PLEKHG3: variants seen among roughly 807,000 people sequenced by gnomAD.
PLEKHG3 encodes pleckstrin homology domain-containing family G member 3.
Under a neutral mutation model 94.9 loss-of-function variants are expected in PLEKHG3, and 62 were observed. The ratio of observed to expected loss-of-function variants is 0.65; its 90% CI spans 0.53 to 0.81. The LOEUF (loss-of-function observed/expected upper bound fraction) is 0.81. Ranked by LOEUF, PLEKHG3 falls within the 30% of genes least tolerant of loss-of-function variation. The probability of loss-of-function intolerance (pLI) is 0.00; values close to 1 mark genes in which losing one functional copy is unlikely to be tolerated. For synonymous variants in PLEKHG3, 614 were observed against 654.0 expected (o/e 0.94, Z 0.93); for missense variants, 1,461 against 1,619.3 (o/e 0.90, Z 1.68).
intron 3 of PLEKHG3, 101 bp downstream of exon 3, chr14:64,729,194 A>T (rs2081410392): frequency 1.7e-6 from 1 of 588,336 alleles, no homozygotes; most frequent in African/African-American, 1.9e-5. Context: ...GGCCTGTGAC[A>T]TGTGGGCCTG....
Position 64,732,237 on chromosome 14 carries a change from C to T in PLEKHG3, c.1212+56C>T, listed in dbSNP as rs374212850. The T allele has an allele frequency of 1.7e-5, 26 of 1,493,000 alleles. No individual in the cohort carries two copies. The African/African-American group carries it at 3.0e-4, about 17-fold the overall frequency. 92.5% of individuals were successfully genotyped at this position (1,493,000 alleles called of 1,614,324 possible). A position where few individuals can be genotyped will look rare whatever the true frequency, so the allele number is the denominator to read the frequency against. On this transcript the variant is annotated intron_variant, in intron 10 of 16. Transcript: ENST00000247226. This position sits in a 1 kb window ranked among gnomAD's most constrained non-coding sequence, Gnocchi z 4.9. ...AGGAGAATGTGCTCCTCTGAGCCAG[C>T]TCTGCAAGGTCCATTGGGGGCTCAC...
rs929341729 is a variant in PLEKHG3 at position 64,720,432 on chromosome 14, T to C, written c.-39-7161T>C. Among the ~76,000 whole-genome samples the C allele has an allele frequency of 2.0e-4, 30 of 152,378 alleles. No individual in the cohort carries two copies. The highest frequency in any genetic ancestry group is 6.7e-4 in the African/African-American group (28 of 41,588). ...TTTGGTCTTGACCTCACCCACTGTT[T>C]ACCTTTCTCTTGACTGTGTGAGTGG... On this transcript the variant is annotated intron_variant, in intron 1 of 16. Transcript: ENST00000247226. The surrounding 1 kb of genome is among the most constrained non-coding windows in gnomAD (Gnocchi z 4.1).
chr14:64,749,374 C>G lies in PLEKHG3; in HGVS notation c.*5671C>G. 6.2e-7 allele frequency: 1 copy of G among 1,610,350 alleles called. No individual in the cohort carries two copies. The highest frequency in any genetic ancestry group is 2.2e-5 in the East Asian group (1 of 44,872). On this transcript the variant is annotated 3_prime_UTR_variant, in exon 17 of 17. Transcript: ENST00000247226. This position sits in a 1 kb window ranked among gnomAD's most constrained non-coding sequence, Gnocchi z 4.7. ...TTCTTGCCGAGGCTGGCGTCGGGGCCGGAGAGGGAAGGCAGGGGCAGGCTC... is the reference window on the plus strand; with the variant it reads ...TTCTTGCCGAGGCTGGCGTCGGGGCGGGAGAGGGAAGGCAGGGGCAGGCTC...
In PLEKHG3 at chr14:64,732,349, C is replaced by T; in HGVS notation, c.1213-78C>T. The T allele has an allele frequency of 2.2e-6, 3 of 1,395,086 alleles. No individual in the cohort carries two copies. The highest frequency in any genetic ancestry group is 3.1e-6 in the Non-Finnish European group (3 of 981,002). 86.4% of individuals were successfully genotyped at this position (1,395,086 alleles called of 1,614,324 possible). A position where few individuals can be genotyped will look rare whatever the true frequency, so the allele number is the denominator to read the frequency against. On this transcript the variant is annotated intron_variant, in intron 10 of 16. Coordinates refer to ENST00000247226, the MANE Select transcript of PLEKHG3 (RefSeq NM_001308147.2). This position sits in a 1 kb window ranked among gnomAD's most constrained non-coding sequence, Gnocchi z 4.9. ...TGCAGCACTGTGGGGTGTCCTCGTA[C>T]AGCAACAGTGGGTCCTATGGGCAGG... is the stretch of plus-strand genomic sequence containing the variant.
At position 64,731,716 on chromosome 14, in the gene PLEKHG3, C is replaced by G; in HGVS notation, c.1035C>G (p.Cys345Trp). Reference sequence around the variant, plus strand: ...CTGTCCTTTCCCTCTGCCCCTAGTGCTCCTCCCTGATGCTGATCGAAAGCA... The same window carrying G: ...CTGTCCTTTCCCTCTGCCCCTAGTGGTCCTCCCTGATGCTGATCGAAAGCA... ...DHFVYKGNIP[C>W]SSLMLIESTR... Residue 345 changes from cysteine (C) to tryptophan (W), a missense_variant and splice_region_variant, in exon 9 of 17, where the codon TGC becomes TGG. Cys to Trp is a radical substitution (Grantham distance 215). Around this residue, in one of 3 missense-constraint regions of PLEKHG3, gnomAD observed 1,201 missense variants for 1,295.5 expected, o/e 0.93. Coordinates refer to ENST00000247226, the MANE Select transcript of PLEKHG3 (RefSeq NM_001308147.2). This position sits in a 1 kb window ranked among gnomAD's most constrained non-coding sequence, Gnocchi z 6.1. 6.2e-7 allele frequency: 1 copy of G among 1,611,260 alleles called. No homozygotes were observed. Among genetic ancestry groups the G allele is most frequent in the Non-Finnish European group, 8.5e-7 (1 of 1,177,426 alleles).
In PLEKHG3 at chr14:64,746,235, C is replaced by T. The variant is rs549528232; in HGVS notation, c.*2532C>T. The T allele has an allele frequency of 6.6e-6, 1 of 152,274 alleles. No individual in the cohort carries two copies. Among genetic ancestry groups the T allele is most frequent in the African/African-American group, 2.4e-5 (1 of 41,542 alleles). 9.4% of individuals were successfully genotyped at this position (152,274 alleles called of 1,614,324 possible). ...TCCATGGTGCCAGCCCTCTTAGGCT[C>T]AGTTCAAAGGGAGAGGAGGCTAGTT... is the stretch of plus-strand genomic sequence containing the variant. On this transcript the variant is annotated 3_prime_UTR_variant, in exon 17 of 17. Transcript: ENST00000247226. This position sits in a 1 kb window ranked among gnomAD's most constrained non-coding sequence, Gnocchi z 4.9.
Position 64,749,365 on chromosome 14 carries a change from C to G in PLEKHG3, c.*5662C>G. The stretch of plus-strand genomic sequence containing the variant: ...TCCTTGTCTTTCTTGCCGAGGCTGG[C>G]GTCGGGGCCGGAGAGGGAAGGCAGG... On this transcript the variant is annotated 3_prime_UTR_variant, in exon 17 of 17. Transcript: ENST00000247226. The surrounding 1 kb of genome is among the most constrained non-coding windows in gnomAD (Gnocchi z 4.7). 6.2e-7 allele frequency: 1 copy of G among 1,610,418 alleles called. No individual in the cohort carries two copies. Among genetic ancestry groups the G allele is most frequent in the African/African-American group, 1.3e-5 (1 of 75,048 alleles).
chr14:64,750,060 C>G lies in PLEKHG3; in HGVS notation c.*6357C>G. On this transcript the variant is annotated 3_prime_UTR_variant, in exon 17 of 17. Coordinates refer to ENST00000247226, the MANE Select transcript of PLEKHG3 (RefSeq NM_001308147.2). ...GCATGTCTCAGGGCCAGGGGTTCCT[C>G]CCCATGGTAGGGCATCCCCAGGGCC... 1.2e-6 allele frequency: 2 copies of G among 1,614,194 alleles called. No individual in the cohort carries two copies. The highest frequency in any genetic ancestry group is 1.7e-6 in the Non-Finnish European group (2 of 1,180,034).
In PLEKHG3 at chr14:64,743,108, T is replaced by C. The variant is rs1237994247; in HGVS notation, c.3065T>C (p.Val1022Ala). Residue 1022 changes from valine (V) to alanine (A), a missense_variant, in exon 17 of 17, where the codon GTC becomes GCC. Coordinates refer to ENST00000247226, the MANE Select transcript of PLEKHG3 (RefSeq NM_001308147.2). This position sits in a 1 kb window ranked among gnomAD's most constrained non-coding sequence, Gnocchi z 7.2. ...PQRFFFNPSA[V>A]SQRTTSPGGR... ...CGTTTCTTCTTCAACCCGTCTGCTGTCAGCCAGAGGACCACCTCGCCTGGG... is the reference window on the plus strand; with the variant it reads ...CGTTTCTTCTTCAACCCGTCTGCTGCCAGCCAGAGGACCACCTCGCCTGGG... 1 of 1,612,808 alleles carries C rather than the reference T, an allele frequency of 6.2e-7. No homozygotes were observed. Among genetic ancestry groups the C allele is most frequent in the South Asian group, 1.1e-5 (1 of 91,078 alleles).
rs974980461 is a variant in PLEKHG3, at chr14:64,720,975, C to T, written c.-39-6618C>T. ...TGACTCTGACTCCTGCCGGATTCCT[C>T]TTACGAGGAGCCTTATGATCACATC... On this transcript the variant is annotated intron_variant, in intron 1 of 16. Coordinates refer to ENST00000247226, the MANE Select transcript of PLEKHG3 (RefSeq NM_001308147.2). The surrounding 1 kb of genome is among the most constrained non-coding windows in gnomAD (Gnocchi z 4.1). 2.0e-4 allele frequency among the ~76,000 whole-genome samples: 30 copies of T among 152,218 alleles called. No homozygotes were observed. Among genetic ancestry groups the T allele is most frequent in the African/African-American group, 6.5e-4 (27 of 41,440 alleles).
rs143044984 is a variant in PLEKHG3 at position 64,726,560 on chromosome 14, GC to G, written c.-39-1032del. ...GGCCACTCCACCCTTCCATCCCCCG[GC>G]TGCTCCAGGTGGGCCTGCCTGTGAG... On this transcript the variant is annotated intron_variant, in intron 1 of 16. Coordinates refer to ENST00000247226, the MANE Select transcript of PLEKHG3 (RefSeq NM_001308147.2). This position sits in a 1 kb window ranked among gnomAD's most constrained non-coding sequence, Gnocchi z 5.1. Among the ~76,000 whole-genome samples the G allele has an allele frequency of 5.2e-3, 785 of 152,294 alleles. 10 individuals are homozygous for G. The highest frequency in any genetic ancestry group is 0.018 in the African/African-American group (750 of 41,542).
In PLEKHG3 at chr14:64,731,263, C is replaced by A; in HGVS notation, c.849+94C>A. 6.9e-7 allele frequency: 1 copy of A among 1,455,948 alleles called. No homozygotes were observed. Among genetic ancestry groups the A allele is most frequent in the Non-Finnish European group, 9.5e-7 (1 of 1,048,316 alleles). The allele number at this position is 1,455,948 out of a possible 1,614,324, so 90.2% of individuals were successfully genotyped here. A position where few individuals can be genotyped will look rare whatever the true frequency, so the allele number is the denominator to read the frequency against. On this transcript the variant is annotated intron_variant, in intron 7 of 16. Coordinates refer to ENST00000247226, the MANE Select transcript of PLEKHG3 (RefSeq NM_001308147.2). The surrounding 1 kb of genome is among the most constrained non-coding windows in gnomAD (Gnocchi z 6.1). Reference sequence around the variant, plus strand: ...ACTGTGGCCACCCTGCTGGGATGAGCTGGGCAGTGGCATTGGGGGAGCCTT... The same window carrying A: ...ACTGTGGCCACCCTGCTGGGATGAGATGGGCAGTGGCATTGGGGGAGCCTT...
In PLEKHG3 at chr14:64,716,079, T is replaced by C. The variant is rs1220046250; in HGVS notation, c.-40+11375T>C. Reference sequence around the variant, plus strand: ...CCTCGTGGTGCCCGGATGGGAGCTCTCCTGAGGAAAGCGGTAGGTACCCGG... The same window carrying C: ...CCTCGTGGTGCCCGGATGGGAGCTCCCCTGAGGAAAGCGGTAGGTACCCGG... On this transcript the variant is annotated intron_variant, in intron 1 of 16. Transcript: ENST00000247226. The surrounding 1 kb of genome is among the most constrained non-coding windows in gnomAD (Gnocchi z 5.0). 1 of 456,248 alleles carries C rather than the reference T, an allele frequency of 2.2e-6. No homozygotes were observed. Among genetic ancestry groups the C allele is most frequent in the Non-Finnish European group, 4.4e-6 (1 of 226,710 alleles). 28.3% of individuals were successfully genotyped at this position (456,248 alleles called of 1,614,324 possible).
chr14:64,722,668 GGGGTGAA>G lies in PLEKHG3; in HGVS notation c.-39-4921_-39-4915del, dbSNP rs1349275269. ...GGTGTGGCTTCTCATTCTTGAGTGT[GGGGTGAA>G]GGGCAGTGGATGAAATGACGACATC... On this transcript the variant is annotated intron_variant, in intron 1 of 16. Transcript: ENST00000247226. The surrounding 1 kb of genome is among the most constrained non-coding windows in gnomAD (Gnocchi z 4.3). Among the ~76,000 whole-genome samples, 3 of 152,156 alleles carry G rather than the reference GGGGTGAA, an allele frequency of 2.0e-5. No homozygotes were observed. Among genetic ancestry groups the G allele is most frequent in the Admixed American group, 2.0e-4 (3 of 15,284 alleles).
Position 64,749,316 on chromosome 14 carries a change from T to C in PLEKHG3, c.*5613T>C. 4.4e-6 allele frequency: 7 copies of C among 1,604,402 alleles called. No individual in the cohort carries two copies. The highest frequency in any genetic ancestry group is 5.9e-6 in the Non-Finnish European group (7 of 1,177,030). ...CGCCAGCCCCACCTGCTACTTCTTT[T>C]TGGGGAAGAAGCTGAATCTCTTCTC... On this transcript the variant is annotated 3_prime_UTR_variant, in exon 17 of 17. Coordinates refer to ENST00000247226, the MANE Select transcript of PLEKHG3 (RefSeq NM_001308147.2). The surrounding 1 kb of genome is among the most constrained non-coding windows in gnomAD (Gnocchi z 4.7).
Position 64,725,308 on chromosome 14 carries a change from A to C in PLEKHG3, c.-39-2285A>C, listed in dbSNP as rs1216324139. Among the ~76,000 whole-genome samples, 2 of 148,630 alleles carry C rather than the reference A, an allele frequency of 1.3e-5. No homozygotes were observed. Among genetic ancestry groups the C allele is most frequent in the African/African-American group, 2.5e-5 (1 of 40,626 alleles). ...CCATTTAGCTTCCCCAGAGAAGCTG[A>C]CTGACCCCAGATGTGATCTGGGAAA... On this transcript the variant is annotated intron_variant, in intron 1 of 16. Transcript: ENST00000247226. This position sits in a 1 kb window ranked among gnomAD's most constrained non-coding sequence, Gnocchi z 5.0.
At position 64,738,738 on chromosome 14, in the gene PLEKHG3, G is replaced by T; in HGVS notation, c.1405-4G>T. On this transcript the variant is annotated splice_region_variant and splice_polypyrimidine_tract_variant and intron_variant, in intron 14 of 16. Transcript: ENST00000247226. The surrounding 1 kb of genome is among the most constrained non-coding windows in gnomAD (Gnocchi z 4.8). The stretch of plus-strand genomic sequence containing the variant: ...GAGTTGATGACTGACCTCTACCTCT[G>T]CAGGGAAAGGGGCGCAGGGAGTCTG... The T allele has an allele frequency of 6.4e-7, 1 of 1,567,622 alleles. No individual in the cohort carries two copies. Among genetic ancestry groups the T allele is most frequent in the South Asian group, 1.2e-5 (1 of 85,386 alleles).
rs2081370341 is a variant in PLEKHG3 at position 64,727,318 on chromosome 14, G to T, written c.-39-275G>T. On this transcript the variant is annotated intron_variant, in intron 1 of 16. Coordinates refer to ENST00000247226, the MANE Select transcript of PLEKHG3 (RefSeq NM_001308147.2). The surrounding 1 kb of genome is among the most constrained non-coding windows in gnomAD (Gnocchi z 6.0). Reference sequence around the variant, plus strand: ...AGGGCCCTTCTTGGGATTCAGTTTTGTTTTGTTAATTGTGTTAAATGTAAA... The same window carrying T: ...AGGGCCCTTCTTGGGATTCAGTTTTTTTTTGTTAATTGTGTTAAATGTAAA... Among the ~76,000 whole-genome samples, 1 of 152,058 alleles carries T rather than the reference G, an allele frequency of 6.6e-6. No individual in the cohort carries two copies. The highest frequency in any genetic ancestry group is 6.5e-5 in the Admixed American group (1 of 15,280).
At position 64,716,365 on chromosome 14, in the gene PLEKHG3, G is replaced by T. The variant is rs17102003; in HGVS notation, c.-39-11228G>T. On this transcript the variant is annotated intron_variant, in intron 1 of 16. Coordinates refer to ENST00000247226, the MANE Select transcript of PLEKHG3 (RefSeq NM_001308147.2). This position sits in a 1 kb window ranked among gnomAD's most constrained non-coding sequence, Gnocchi z 5.0. Reference sequence around the variant, plus strand: ...GGAGGCAACTGTAAATGGTTCTGCCGGGGACTTCAGGGGGACTTCATGTCG... The same window carrying T: ...GGAGGCAACTGTAAATGGTTCTGCCTGGGACTTCAGGGGGACTTCATGTCG... Among the ~76,000 whole-genome samples the T allele has an allele frequency of 1.5e-3, 227 of 151,566 alleles. No individual in the cohort carries two copies. The highest frequency in any genetic ancestry group is 0.01 in the Middle Eastern group (3 of 294).
Sources: gnomAD v4.1 joint callset for allele counts (sites outside exome capture counted in the v4.1 genomes callset) on GRCh38, gnomAD v4.1.1 for gene constraint, gnomAD v4.1.1 regional missense constraint, Gnocchi (gnomAD v3.1) non-coding constraint, MANE v1.5 for transcripts, NCBI Gene and HGNC (gene_info 2026-07-23, HGNC 2026-07-21) for gene names.